GPC6: variants seen among roughly 807,000 people sequenced by gnomAD.
GPC6 encodes glypican 6.
Under a neutral mutation model 55.2 loss-of-function variants are expected in GPC6, and 14 were observed. The observed-to-expected ratio is 0.25, with a 90% confidence interval of 0.17 to 0.40. The LOEUF (loss-of-function observed/expected upper bound fraction) is 0.40. Ranked by LOEUF, GPC6 falls within the 10% of genes least tolerant of loss-of-function variation. The probability of loss-of-function intolerance (pLI) is 1.00; values close to 1 mark genes in which losing one functional copy is unlikely to be tolerated. For synonymous variants in GPC6, 278 were observed against 259.6 expected, an observed-to-expected ratio of 1.07 and a Z score of -0.68; for missense variants, 641 against 708.5, an observed-to-expected ratio of 0.90 and a Z score of 1.08.
chr13:94,063,133 C>A (rs984770653), intron 4 of GPC6, among the ~76,000 whole-genome samples: 2 of 152,110 alleles, frequency 1.3e-5, no homozygotes, highest in African/African-American at 4.8e-5. Context: ...GATTTTAGAC[C>A]TTCACTGACT....
At chr13:93,244,587 C>A (rs998956374) in intron 1 of GPC6, among the ~76,000 whole-genome samples, 1 of 152,234 alleles carries the variant, frequency 6.6e-6, no homozygotes, top group Non-Finnish European at 1.5e-5. Flanking sequence ...AAGCACTTCT[C>A]CATGCTGCTC....
At chr13:93,864,035 TG>T (rs1224262407) in intron 3 of GPC6, among the ~76,000 whole-genome samples, 3 of 151,702 alleles carry the variant, frequency 2.0e-5, no homozygotes, top group Non-Finnish European at 4.4e-5. Flanking sequence ...TGCATTGCTC[TG>T]TGATAATGGG....
intron 2 of GPC6, among the ~76,000 whole-genome samples, chr13:93,728,482 C>T (rs1444735402): frequency 6.6e-6 from 1 of 151,500 alleles, no homozygotes; most frequent in East Asian, 1.9e-4. Flanking sequence ...CTCAAGTGAT[C>T]AACCCACTTT....
intron 1 of GPC6, among the ~76,000 whole-genome samples, chr13:93,333,881 A>G (rs1879948305): frequency 1.3e-5 from 2 of 152,124 alleles, no homozygotes; most frequent in South Asian, 2.1e-4. Context: ...GTATCCCTCA[A>G]CTTTACTGAA....
At chr13:93,645,116 C>T (rs2139591587) in intron 2 of GPC6, among the ~76,000 whole-genome samples, 1 of 152,170 alleles carries the variant, frequency 6.6e-6, no homozygotes, top group Middle Eastern at 3.4e-3. Flanking sequence ...AGGGCATAGC[C>T]CCAGGGCCTG....
chr13:93,918,137 G>T (rs567669401), intron 3 of GPC6, among the ~76,000 whole-genome samples: 1 of 152,004 alleles, frequency 6.6e-6, no homozygotes, highest in African/African-American at 2.4e-5. Context: ...TGTACTTGGA[G>T]ATCGACAAGA....
chr13:94,013,956 G>A (rs959865318), intron 3 of GPC6, among the ~76,000 whole-genome samples: 3 of 152,068 alleles, frequency 2.0e-5, no homozygotes, highest in South Asian at 4.2e-4. Context: ...ATGCTTTTCT[G>A]GGGAGGTTCC....
chr13:93,720,433 G>A (rs61964578), intron 2 of GPC6, among the ~76,000 whole-genome samples: 12,271 of 151,636 alleles, frequency 0.081, 591 homozygotes, highest in Non-Finnish European at 0.11. Context: ...TCAGTTTTTC[G>A]TTTTGTCTAT....
intron 4 of GPC6, among the ~76,000 whole-genome samples, chr13:94,060,342 G>C (rs2138766786): frequency 6.6e-6 from 1 of 152,276 alleles, no homozygotes; most frequent in African/African-American, 2.4e-5. Context: ...AGCTCCATGA[G>C]TGGGAGGATC....
chr13:93,953,681 C>T (rs1294144983), intron 3 of GPC6, among the ~76,000 whole-genome samples: 1 of 152,094 alleles, frequency 6.6e-6, no homozygotes, highest in Non-Finnish European at 1.5e-5. Context: ...GTAGATAGAA[C>T]CATAAGTATC....
At chr13:94,402,723 T>C (rs1274735817) in intron 8 of GPC6, among the ~76,000 whole-genome samples, 1 of 152,096 alleles carries the variant, frequency 6.6e-6, no homozygotes, top group Non-Finnish European at 1.5e-5. Flanking sequence ...ATTACAATCA[T>C]GGTGGAAGGC....
Position 93,921,667 on chromosome 13 carries a change from C to T in GPC6, c.711+91122C>T, listed in dbSNP as rs190507293. ...ACTGTTCCTCTGCTCTTCTGCTTGT[C>T]GGCTCATGGAGCCTGGGGCTTGGGG... is the stretch of plus-strand genomic sequence containing the variant. On this transcript the variant is annotated intron_variant, in intron 3 of 8. Transcript: ENST00000377047. 1.9e-3 allele frequency among the ~76,000 whole-genome samples: 288 copies of T among 151,430 alleles called. 2 individuals are homozygous for T. The highest frequency in any genetic ancestry group is 3.6e-3 in the Non-Finnish European group (242 of 67,944).
At chr13:93,857,827 C>T (rs1264428620) in intron 3 of GPC6, among the ~76,000 whole-genome samples, 1 of 151,136 alleles carries the variant, frequency 6.6e-6, no homozygotes, top group African/African-American at 2.4e-5. Context: ...GAATAAAGAA[C>T]AACACAGAAA....
chr13:93,440,341 C>T (rs1877740875), intron 1 of GPC6, among the ~76,000 whole-genome samples: 1 of 152,116 alleles, frequency 6.6e-6, no homozygotes, highest in Non-Finnish European at 1.5e-5. Context: ...GCAGAGATGC[C>T]TTAGTGGAGA....
chr13:94,350,091 G>C (rs1430022256), intron 6 of GPC6, among the ~76,000 whole-genome samples: 1 of 151,764 alleles, frequency 6.6e-6, no homozygotes, highest in African/African-American at 2.4e-5. Flanking sequence ...GTGTGTGTGT[G>C]TTTATGTGTG....
intron 7 of GPC6, among the ~76,000 whole-genome samples, 183 bp from the exon 8 acceptor site, chr13:94,398,283 C>A (rs1251582542): frequency 6.6e-6 from 1 of 151,356 alleles, no homozygotes; most frequent in East Asian, 1.9e-4. Flanking sequence ...GCCACATCTT[C>A]ATCTGAAAAA....
At chr13:94,018,583 A>G (rs939038531) in intron 3 of GPC6, among the ~76,000 whole-genome samples, 22 of 152,270 alleles carry the variant, frequency 1.4e-4, no homozygotes, top group African/African-American at 4.3e-4. Context: ...GAGCCACTGC[A>G]CCGGGCTGTA....
chr13:94,318,176 T>C (rs1018847833), intron 6 of GPC6, among the ~76,000 whole-genome samples: 1 of 152,132 alleles, frequency 6.6e-6, no homozygotes, highest in Non-Finnish European at 1.5e-5. Context: ...GCCCCAAATC[T>C]TATGTATTTT....
intron 1 of GPC6, among the ~76,000 whole-genome samples, chr13:93,540,394 A>G (rs1882244517): frequency 6.6e-6 from 1 of 152,188 alleles, no homozygotes; most frequent in African/African-American, 2.4e-5. Flanking sequence ...CTGAAATCCT[A>G]ATCCTTCCTA....
Sources: gnomAD v4.1 joint callset for allele counts (sites outside exome capture counted in the v4.1 genomes callset) on GRCh38, gnomAD v4.1.1 for gene constraint, MANE v1.5 for transcripts, NCBI Gene and HGNC (gene_info 2026-07-23, HGNC 2026-07-21) for gene names.